ZEB1: variants seen among roughly 807,000 people sequenced by gnomAD.
ZEB1 encodes the protein zinc finger E-box binding homeobox 1.
In ZEB1, 21 loss-of-function variants were observed where a neutral mutation model predicts 84.9. That is an observed-to-expected ratio of 0.25 (90% confidence interval 0.18 to 0.36). The LOEUF is 0.36. Among genes scored for constraint, ZEB1 ranks in the 10% least tolerant of loss-of-function variants. ZEB1 has a pLI of 1.00. For missense variants in ZEB1, 1,104 were observed against 1,330.2 expected (o/e 0.83, Z 2.65); for synonymous variants, 420 against 471.1 (o/e 0.89, Z 1.41).
At position 31,528,605 on chromosome 10, in the gene ZEB1, T is replaced by C. The variant is rs749418349; in HGVS notation, c.*1341T>C. 5.9e-5 allele frequency: 9 copies of C among 152,228 alleles called. No homozygotes were observed. Among genetic ancestry groups the C allele is most frequent in the Non-Finnish European group, 8.8e-5 (6 of 68,026 alleles). 9.4% of individuals were successfully genotyped at this position (152,228 alleles called of 1,614,324 possible). A position where few individuals can be genotyped will look rare whatever the true frequency, so the allele number is the denominator to read the frequency against. On this transcript the variant is annotated 3_prime_UTR_variant, in exon 9 of 9. Transcript: ENST00000424869. ...TATTAATACCCTTCTTACTGACATA[T>C]GTACTTTTAGTTTTAGAAAACTTTT... is the stretch of plus-strand genomic sequence containing the variant.
intron 2 of ZEB1, among the ~76,000 whole-genome samples, chr10:31,472,921 T>C (rs1295506459): frequency 2.0e-4 from 24 of 121,096 alleles, no homozygotes; most frequent in African/African-American, 4.0e-4. Flanking sequence ...AATCAATAAA[T>C]GTAATCCAGC....
At chr10:31,435,360 A>G (rs751266525) in intron 1 of ZEB1, among the ~76,000 whole-genome samples, 1 of 152,256 alleles carries the variant, frequency 6.6e-6, no homozygotes, top group African/African-American at 2.4e-5. Flanking sequence ...TAATAAATGT[A>G]TGCTATTTTA....
intron 1 of ZEB1, among the ~76,000 whole-genome samples, chr10:31,353,720 A>G (rs1185129483): frequency 6.6e-6 from 1 of 152,212 alleles, no homozygotes; most frequent in Non-Finnish European, 1.5e-5. Flanking sequence ...GTCACAGTCA[A>G]AGGTTTGATT....
At chr10:31,385,526 T>C (rs909820238) in intron 1 of ZEB1, among the ~76,000 whole-genome samples, 19 of 151,442 alleles carry the variant, frequency 1.3e-4, no homozygotes, top group Non-Finnish European at 2.2e-4. Context: ...TTTTTTCTTT[T>C]TCTTTTCTTT....
intron 7 of ZEB1, among the ~76,000 whole-genome samples, chr10:31,523,125 T>C (rs1230005772): frequency 6.6e-6 from 1 of 152,180 alleles, no homozygotes; most frequent in Non-Finnish European, 1.5e-5. Context: ...GTGAAAAACC[T>C]TCAACTTTTA....
chr10:31,454,788 A>G (rs1456796882), intron 1 of ZEB1, among the ~76,000 whole-genome samples: 2 of 152,248 alleles, frequency 1.3e-5, no homozygotes, highest in Non-Finnish European at 2.9e-5. Context: ...AAAACATTCC[A>G]TGCTCATGGA....
At chr10:31,365,047 G>A (rs1163026209) in intron 1 of ZEB1, among the ~76,000 whole-genome samples, 6 of 152,230 alleles carry the variant, frequency 3.9e-5, no homozygotes, top group East Asian at 1.9e-4. Flanking sequence ...GTTCTTTCTC[G>A]TCTGATGGGA....
intron 1 of ZEB1, among the ~76,000 whole-genome samples, chr10:31,364,828 T>C (rs4016974): frequency 6.6e-6 from 1 of 152,224 alleles, no homozygotes; most frequent in Non-Finnish European, 1.5e-5. Context: ...TCTATTCTTA[T>C]TTTTTCATGT....
At chr10:31,491,877 A>G (rs976242048) in intron 2 of ZEB1, among the ~76,000 whole-genome samples, 1 of 151,952 alleles carries the variant, frequency 6.6e-6, no homozygotes. Flanking sequence ...TCACATACAT[A>G]TTATAAATTG....
chr10:31,325,224 C>G lies in ZEB1; in HGVS notation c.58+5932C>G, dbSNP rs147330496. On this transcript the variant is annotated intron_variant, in intron 1 of 8. Transcript: ENST00000424869. ...AGAGAAAACAACTTAATTTTTAGAA[C>G]TTCATTAATTTTGTTAAAGCATATT... 5.4e-3 allele frequency among the ~76,000 whole-genome samples: 819 copies of G among 151,830 alleles called. 8 individuals carry two copies. The highest frequency in any genetic ancestry group is 0.017 in the African/African-American group (717 of 41,412).
Position 31,520,542 on chromosome 10 carries a change from T to A in ZEB1, c.1210T>A (p.Ser404Thr), listed in dbSNP as rs1351511587. The change falls in exon 7 of 9, where the codon TCT becomes ACT. Residue 404 changes from serine to threonine, a missense_variant. Physicochemically the swap from Ser to Thr is moderately conservative, Grantham distance 58 (BLOSUM62 1). Transcript: ENST00000424869. This position sits in a 1 kb window ranked among gnomAD's most constrained non-coding sequence, Gnocchi z 5.1. ...AVVLPTVGLV[S>T]PISINLSDIQ... The stretch of plus-strand genomic sequence containing the variant: ...TGTTCTGCCAACAGTTGGTTTGGTG[T>A]CTCCCATAAGTATCAATTTAAGTGA... The A allele has an allele frequency of 2.5e-6, 4 of 1,613,736 alleles. No homozygotes were observed. The highest frequency in any genetic ancestry group is 3.4e-6 in the Non-Finnish European group (4 of 1,179,734).
intron 6 of ZEB1, among the ~76,000 whole-genome samples, chr10:31,516,921 A>G (rs921857194): frequency 1.5e-4 from 23 of 152,240 alleles, no homozygotes; most frequent in African/African-American, 5.5e-4. Flanking sequence ...GACTGGTACC[A>G]GTCTGCAAAC....
At chr10:31,441,851 CAAT>C (rs1352538113) in intron 1 of ZEB1, among the ~76,000 whole-genome samples, 1 of 152,210 alleles carries the variant, frequency 6.6e-6, no homozygotes, top group Admixed American at 6.5e-5. Context: ...ATCAAAACCA[CAAT>C]GAGATACCAT....
chr10:31,398,732 G>T (rs2051304256), intron 1 of ZEB1, among the ~76,000 whole-genome samples: 1 of 152,018 alleles, frequency 6.6e-6, no homozygotes, highest in African/African-American at 2.4e-5. Context: ...ATTTGACCTG[G>T]CAACGGTGTT....
intron 1 of ZEB1, among the ~76,000 whole-genome samples, chr10:31,344,427 G>T (rs2039944157): frequency 6.6e-6 from 1 of 152,042 alleles, no homozygotes; most frequent in South Asian, 2.1e-4. Flanking sequence ...AAGATTTAAT[G>T]TCAACTTTAC....
intron 1 of ZEB1, among the ~76,000 whole-genome samples, chr10:31,323,034 C>A (rs1207654732): frequency 1.3e-5 from 2 of 152,064 alleles, no homozygotes; most frequent in Middle Eastern, 3.4e-3. Context: ...TTCTAGTTTG[C>A]CGAAACTAGA....
At chr10:31,468,541 C>T (rs941184926) in intron 2 of ZEB1, among the ~76,000 whole-genome samples, 1 of 152,130 alleles carries the variant, frequency 6.6e-6, no homozygotes, top group African/African-American at 2.4e-5. Context: ...GTAAGTTTCC[C>T]CCAAAAGACC....
chr10:31,418,723 A>G (rs1237021753), intron 1 of ZEB1, among the ~76,000 whole-genome samples: 1 of 152,050 alleles, frequency 6.6e-6, no homozygotes, highest in Non-Finnish European at 1.5e-5. Context: ...TCTGACTGGT[A>G]GTAGCAATAG....
At chr10:31,514,820 G>T in intron 6 of ZEB1, 112 bp downstream of exon 6, 1 of 875,412 alleles carries the variant, frequency 1.1e-6, no homozygotes, top group Non-Finnish European at 1.8e-6. Flanking sequence ...CATTTCTTTT[G>T]GCATACACTA....
Sources: allele counts gnomAD v4.1 joint callset (sites outside exome capture counted in the v4.1 genomes callset), GRCh38; gene constraint gnomAD v4.1.1; non-coding constraint Gnocchi (gnomAD v3.1); transcripts MANE v1.5; gene names NCBI Gene and HGNC (gene_info 2026-07-23, HGNC 2026-07-21).